Variants in SPEN observed in about 807,000 individuals in gnomAD.
The protein encoded by SPEN is msx2-interacting protein.
Under a neutral mutation model 269.9 loss-of-function variants are expected in SPEN, and 18 were observed. The observed-to-expected ratio is 0.07, with a 90% confidence interval of 0.05 to 0.10. SPEN has a LOEUF of 0.10. SPEN is among the 10% of genes least tolerant of loss of function. SPEN has a pLI of 1.00. For missense variants in SPEN, 3,822 were observed against 4,631.2 expected, an observed-to-expected ratio of 0.83 and a Z score of 5.07; for synonymous variants, 1,726 against 1,765.7, an observed-to-expected ratio of 0.98 and a Z score of 0.56.
intron 3 of SPEN, among the ~76,000 whole-genome samples, chr1:15,891,767 T>C (rs930309056): frequency 6.6e-6 from 1 of 152,022 alleles, no homozygotes; most frequent in Admixed American, 6.6e-5. Flanking sequence ...TGGGATTACA[T>C]GCATGAGCCG....
At chr1:15,906,490 G>C (rs1316888868) in intron 3 of SPEN, among the ~76,000 whole-genome samples, 1 of 113,878 alleles carries the variant, frequency 8.8e-6, no homozygotes, top group Non-Finnish European at 1.6e-5. Flanking sequence ...AGACAGTCTC[G>C]CTCTGTTGTC....
chr1:15,919,350 A>C (rs1451728195), intron 7 of SPEN, 54 bp from the exon 8 acceptor site: 1 of 1,124,424 alleles, frequency 8.9e-7, no homozygotes, highest in Non-Finnish European at 1.3e-6. Context: ...ATTCTGTTGT[A>C]GTTGAATAGT....
intron 1 of SPEN, among the ~76,000 whole-genome samples, chr1:15,871,882 TTCTA>T (rs2070580139): frequency 1.3e-5 from 2 of 152,160 alleles, no homozygotes; most frequent in Non-Finnish European, 1.5e-5. Context: ...ATTACTTTGA[TTCTA>T]TCTTAGGTTC....
chr1:15,898,017 C>T (rs751438868), intron 3 of SPEN, among the ~76,000 whole-genome samples: 35 of 152,090 alleles, frequency 2.3e-4, no homozygotes, highest in Admixed American at 2.6e-4. Context: ...GGAAGTTTAC[C>T]TGGGAAAGAC....
rs143223138 is a variant in SPEN, at chr1:15,935,904, G to A, written c.9664G>A (p.Ala3222Thr). The A allele has an allele frequency of 2.5e-6, 4 of 1,612,942 alleles. No individual in the cohort carries two copies. The South Asian group carries it at 4.4e-5, about 18-fold the overall frequency. Reference protein sequence around the residue: ...AADGVVKVPPASKAPQQPGKE... With the variant: ...AADGVVKVPPTSKAPQQPGKE... ...GGATGGGGTGGTGAAGGTGCCACCA[G>A]CCAGCAAGGCCCCTCAGCAGCCAGG... The change falls in exon 11 of 15, where the codon GCC becomes ACC. Residue 3222 changes from alanine to threonine, a missense_variant. By Grantham distance (58) the Ala-to-Thr change is moderately conservative (BLOSUM62 0). This residue lies in a region of SPEN where 359 missense variants were observed against 377.3 expected (regional missense o/e 0.95). Coordinates refer to ENST00000375759, the MANE Select transcript of SPEN (RefSeq NM_015001.3). This position sits in a 1 kb window ranked among gnomAD's most constrained non-coding sequence, Gnocchi z 7.7.
chr1:15,896,832 G>A (rs1352867803), intron 3 of SPEN, among the ~76,000 whole-genome samples: 3 of 152,204 alleles, frequency 2.0e-5, no homozygotes, highest in African/African-American at 7.2e-5. Context: ...GCCTGGTGTG[G>A]TGGCGCATGC....
intron 2 of SPEN, 144 bp from the exon 3 acceptor site, chr1:15,876,058 G>A (rs979198992): frequency 3.2e-6 from 2 of 629,560 alleles, no homozygotes; most frequent in South Asian, 2.0e-5. Context: ...GCTTGTTAGC[G>A]TTTGCTTATT....
In SPEN at chr1:15,937,502, C is replaced by G. The variant is rs1424688428; in HGVS notation, c.10366C>G (p.Pro3456Ala). 1 of 1,613,976 alleles carries G rather than the reference C, an allele frequency of 6.2e-7. No homozygotes were observed. Among genetic ancestry groups the G allele is most frequent in the African/African-American group, 1.3e-5 (1 of 74,900 alleles). Residue 3456 changes from proline to alanine, a missense_variant, in exon 12 of 15, where the codon CCG (proline) becomes GCG (alanine). Pro to Ala is a conservative substitution (Grantham distance 27). Coordinates refer to ENST00000375759, the MANE Select transcript of SPEN (RefSeq NM_015001.3). This position sits in a 1 kb window ranked among gnomAD's most constrained non-coding sequence, Gnocchi z 5.7. ...SLPTQTAPKQ[P>A]LFVPTTSGPS... ...TCCCACTCAGACTGCCCCAAAACAG[C>G]CGTTGTTTGTCCCAACAACCTCTGG...
chr1:15,861,951 A>G (rs113728197), intron 1 of SPEN, among the ~76,000 whole-genome samples: 33 of 152,316 alleles, frequency 2.2e-4, no homozygotes, highest in African/African-American at 7.5e-4. Flanking sequence ...CTGAGGCAGG[A>G]GAATCGCTTG....
intron 3 of SPEN, among the ~76,000 whole-genome samples, chr1:15,894,533 G>GTTTTTTTTTTTTTTTTTTTT (rs35841965): frequency 2.9e-5 from 4 of 136,014 alleles, no homozygotes; most frequent in African/African-American, 1.2e-4. Flanking sequence ...CCATATTATG[G>GTTTTTTTTTTTTTTTTTTTT]TTGTTTTTTT....
chr1:15,869,557 CACAA>C lies in SPEN; in HGVS notation c.84-3255_84-3252del, dbSNP rs1462663495. 2.6e-5 allele frequency among the ~76,000 whole-genome samples: 4 copies of C among 151,332 alleles called. No homozygotes were observed. The South Asian group carries it at 6.3e-4, about 24-fold the overall frequency. ...ATCTTTTTATAATGTAAAAAACCAGCACAAACATTTATTGTCTCTACTGTATTTA... is the reference window on the plus strand; with the variant it reads ...ATCTTTTTATAATGTAAAAAACCAGCACATTTATTGTCTCTACTGTATTTA... On this transcript the variant is annotated intron_variant, in intron 1 of 14. Coordinates refer to ENST00000375759, the MANE Select transcript of SPEN (RefSeq NM_015001.3).
rs1027895772 is a variant in SPEN, at chr1:15,928,945, A to G, written c.2705A>G (p.Lys902Arg). ...ACTCCTGTGGAAAAGTTGAAAGCCA[A>G]GCTTGATAATGACACTGTCAAATCT... ...DHTPVEKLKA[K>R]LDNDTVKSSA... Residue 902 changes from lysine (K) to arginine (R), a missense_variant, in exon 11 of 15, where the codon AAG becomes AGG. By Grantham distance (26) the Lys-to-Arg change is conservative (BLOSUM62 2). Around this residue, in one of 16 missense-constraint regions of SPEN, gnomAD observed 572 missense variants for 582.6 expected, o/e 0.98. Coordinates refer to ENST00000375759, the MANE Select transcript of SPEN (RefSeq NM_015001.3). The surrounding 1 kb of genome is among the most constrained non-coding windows in gnomAD (Gnocchi z 5.7). 6.2e-7 allele frequency: 1 copy of G among 1,614,250 alleles called. No homozygotes were observed. Among genetic ancestry groups the G allele is most frequent in the Admixed American group, 1.7e-5 (1 of 60,026 alleles).
At chr1:15,907,958 CTCTT>C (rs564603165) in intron 3 of SPEN, among the ~76,000 whole-genome samples, 48 of 152,168 alleles carry the variant, frequency 3.2e-4, no homozygotes, top group African/African-American at 1.1e-3. Flanking sequence ...TCAGTTGACT[CTCTT>C]TCTGTTTGAG....
In SPEN at chr1:15,935,991, C is replaced by T; in HGVS notation, c.9751C>T (p.Pro3251Ser). 1 of 1,588,696 alleles carries T rather than the reference C, an allele frequency of 6.3e-7. No homozygotes were observed. The highest frequency in any genetic ancestry group is 8.6e-7 in the Non-Finnish European group (1 of 1,167,990). The change falls in exon 11 of 15, where the codon CCT becomes TCT. Residue 3251 changes from proline (P) to serine (S), a missense_variant. This residue lies in a region of SPEN where 359 missense variants were observed against 377.3 expected (regional missense o/e 0.95). Transcript: ENST00000375759. This position sits in a 1 kb window ranked among gnomAD's most constrained non-coding sequence, Gnocchi z 7.7. ...CCCCACCCCCACCCCTGCCCCCGTCCCTGTCCCTGTCCCCCTTCCTGCCCC... is the reference window on the plus strand; with the variant it reads ...CCCCACCCCCACCCCTGCCCCCGTCTCTGTCCCTGTCCCCCTTCCTGCCCC... ...AAPTPTPAPV[P>S]VPVPLPAPAP...
intron 3 of SPEN, among the ~76,000 whole-genome samples, chr1:15,888,277 A>G (rs1043115024): frequency 6.7e-5 from 10 of 149,862 alleles, no homozygotes; most frequent in Admixed American, 3.3e-4. Context: ...GTCAAATTGT[A>G]TTTGTTTGAC....
chr1:15,882,362 T>C (rs1433376733), intron 3 of SPEN, among the ~76,000 whole-genome samples: 1 of 152,090 alleles, frequency 6.6e-6, no homozygotes, highest in Non-Finnish European at 1.5e-5. Context: ...CCCAATCAAG[T>C]TGTAAGAATT....
At chr1:15,925,400 A>G (rs909727653) in intron 10 of SPEN, among the ~76,000 whole-genome samples, 5 of 152,186 alleles carry the variant, frequency 3.3e-5, no homozygotes, top group African/African-American at 1.2e-4. Context: ...TACATGGTCC[A>G]AGTGCCAGTT....
rs1179468492 is a variant in SPEN, at chr1:15,859,329, ATTTTCTTTTTCTG to A, written c.83+11192_83+11204del. 2.3e-4 allele frequency among the ~76,000 whole-genome samples: 26 copies of A among 114,880 alleles called. 1 individual carries two copies. Among genetic ancestry groups the A allele is most frequent in the African/African-American group, 7.8e-4 (23 of 29,386 alleles). The allele number at this position is 114,880 out of a possible 152,430, so 75.4% of individuals were successfully genotyped here. A position where few individuals can be genotyped will look rare whatever the true frequency, so the allele number is the denominator to read the frequency against. On this transcript the variant is annotated intron_variant, in intron 1 of 14. Transcript: ENST00000375759. Reference sequence around the variant, plus strand: ...TGCCACTGCACTCTATTTATAGTTCATTTTCTTTTTCTGTTTTCTTTTTCTTTTCTTTTTTTTT... The same window carrying A: ...TGCCACTGCACTCTATTTATAGTTCATTTTCTTTTTCTTTTCTTTTTTTTT...
At position 15,935,336 on chromosome 1, in the gene SPEN, G is replaced by C; in HGVS notation, c.9096G>C (p.Gly3032=). The C allele has an allele frequency of 6.2e-7, 1 of 1,614,042 alleles. No homozygotes were observed. The highest frequency in any genetic ancestry group is 1.3e-5 in the African/African-American group (1 of 74,988). The change falls in exon 11 of 15, where the codon GGG becomes GGC. Residue 3032 remains glycine (G), a synonymous_variant. Transcript: ENST00000375759. The surrounding 1 kb of genome is among the most constrained non-coding windows in gnomAD (Gnocchi z 7.7). ...DAHSPRPSGP[G]PSSFPRASHP... ...ATTCTCCTCGACCAAGTGGACCCGG[G>C]CCATCCTCATTCCCAAGGGCAAGCC...
Sources: allele counts gnomAD v4.1 joint callset (sites outside exome capture counted in the v4.1 genomes callset), GRCh38; gene constraint gnomAD v4.1.1; regional missense constraint gnomAD v4.1.1; non-coding constraint Gnocchi (gnomAD v3.1); transcripts MANE v1.5; gene names NCBI Gene and HGNC (gene_info 2026-07-23, HGNC 2026-07-21).